SRGAP1: variants seen among roughly 807,000 people sequenced by gnomAD.
SRGAP1 encodes SLIT-ROBO Rho GTPase-activating protein 1.
SRGAP1 carries 43 observed loss-of-function variants against 121.9 expected under a neutral mutation model. The ratio of observed to expected loss-of-function variants is 0.35; its 90% CI spans 0.28 to 0.46. The LOEUF (loss-of-function observed/expected upper bound fraction) is 0.46, where lower values mean the gene tolerates loss of function less well. SRGAP1 is among the 20% of genes least tolerant of loss of function. The pLI is 1.00. For missense variants in SRGAP1, 1,102 were observed against 1,350.9 expected (o/e 0.82, Z 2.89); for synonymous variants, 447 against 485.4 (o/e 0.92, Z 1.04).
chr12:64,125,440 A>C (rs940728144), intron 18 of SRGAP1, among the ~76,000 whole-genome samples: 2 of 152,224 alleles, frequency 1.3e-5, no homozygotes, highest in African/African-American at 4.8e-5. Context: ...CAGAGAGCAC[A>C]TGGGGAAATT....
intron 1 of SRGAP1, among the ~76,000 whole-genome samples, chr12:63,979,472 T>C (rs1424453359): frequency 2.0e-5 from 3 of 152,232 alleles, no homozygotes; most frequent in Non-Finnish European, 4.4e-5. Flanking sequence ...CTTTTCACTT[T>C]CTTGGTGGTT....
chr12:64,123,916 T>C (rs1028803648), intron 18 of SRGAP1, among the ~76,000 whole-genome samples: 6 of 152,162 alleles, frequency 3.9e-5, no homozygotes, highest in African/African-American at 1.4e-4. Context: ...CAAAATATTA[T>C]TCGCCTCAAA....
At chr12:64,071,627 C>T (rs986671212) in intron 8 of SRGAP1, among the ~76,000 whole-genome samples, 1 of 152,154 alleles carries the variant, frequency 6.6e-6, no homozygotes. Flanking sequence ...GTCATTAAAT[C>T]AGAGTCAGGG....
chr12:64,049,442 C>T lies in SRGAP1; in HGVS notation c.801+5867C>T, dbSNP rs199882775. The stretch of plus-strand genomic sequence containing the variant: ...ACACGTCTTTCTTCACATGGCAGCA[C>T]GAAAGAGATGTGCCAAGCAAGGAAA... On this transcript the variant is annotated intron_variant, in intron 6 of 21. Coordinates refer to ENST00000355086, the MANE Select transcript of SRGAP1 (RefSeq NM_020762.4). 3.9e-5 allele frequency among the ~76,000 whole-genome samples: 6 copies of T among 152,226 alleles called. No homozygotes were observed. In the East Asian group the frequency reaches 7.7e-4, roughly 20 times the overall value.
At chr12:64,079,647 C>T (rs1047208853) in intron 9 of SRGAP1, among the ~76,000 whole-genome samples, 1 of 151,924 alleles carries the variant, frequency 6.6e-6, no homozygotes, top group African/African-American at 2.4e-5. Flanking sequence ...GATCATTCTA[C>T]TGCACTCCAG....
chr12:64,127,057 A>T (rs778848949), intron 19 of SRGAP1, among the ~76,000 whole-genome samples: 6 of 152,208 alleles, frequency 3.9e-5, no homozygotes, highest in Non-Finnish European at 8.8e-5. Context: ...GTACAGTAAC[A>T]TGCTGTGCAG....
chr12:64,062,834 G>T lies in SRGAP1; in HGVS notation c.802-83G>T, dbSNP rs549867101. Reference sequence around the variant, plus strand: ...CTTACCCCCATGTTTCCTTCTGAGAGTTTTATAGCTGTAGGTCTCACATTT... The same window carrying T: ...CTTACCCCCATGTTTCCTTCTGAGATTTTTATAGCTGTAGGTCTCACATTT... On this transcript the variant is annotated intron_variant, in intron 6 of 21. Transcript: ENST00000355086. 18 of 1,035,944 alleles carry T rather than the reference G, an allele frequency of 1.7e-5. No individual in the cohort carries two copies. The African/African-American group carries it at 2.1e-4, about 12-fold the overall frequency. 64.2% of individuals were successfully genotyped at this position (1,035,944 alleles called of 1,614,324 possible).
At chr12:63,967,627 T>TG (rs1565974279) in intron 1 of SRGAP1, among the ~76,000 whole-genome samples, 1 of 152,162 alleles carries the variant, frequency 6.6e-6, no homozygotes, top group Admixed American at 6.5e-5. Context: ...GGAATGGGCT[T>TG]GGGGGGATTT....
At chr12:63,989,001 G>A (rs1389349791) in intron 2 of SRGAP1, among the ~76,000 whole-genome samples, 2 of 152,134 alleles carry the variant, frequency 1.3e-5, no homozygotes, top group Non-Finnish European at 1.5e-5. Flanking sequence ...ACTAGAGGCG[G>A]GGTTTCGCCA....
At chr12:63,880,809 A>G (rs1900170239) in intron 1 of SRGAP1, among the ~76,000 whole-genome samples, 2 of 152,152 alleles carry the variant, frequency 1.3e-5, no homozygotes, top group African/African-American at 4.8e-5. Flanking sequence ...AGTAGGAACT[A>G]TTTTATTCTC....
chr12:64,091,980 A>G (rs1319723112), intron 12 of SRGAP1: 1 of 1,420,446 alleles, frequency 7.0e-7, no homozygotes, highest in Non-Finnish European at 9.6e-7. Flanking sequence ...ATCATTTTCA[A>G]GTCGTGCTCA....
chr12:64,126,331 G>T (rs1441771356), intron 19 of SRGAP1, among the ~76,000 whole-genome samples, 174 bp downstream of exon 19: 1 of 152,192 alleles, frequency 6.6e-6, no homozygotes, highest in East Asian at 1.9e-4. Flanking sequence ...AGTAAGTCAG[G>T]GCCCAGGAGG....
chr12:63,913,308 A>G (rs2030608621), intron 1 of SRGAP1, among the ~76,000 whole-genome samples: 1 of 141,246 alleles, frequency 7.1e-6, no homozygotes, highest in African/African-American at 2.6e-5. Flanking sequence ...ATAGGTGCTC[A>G]TAACCATGCC....
At chr12:63,915,727 A>G (rs1411471862) in intron 1 of SRGAP1, among the ~76,000 whole-genome samples, 1 of 152,166 alleles carries the variant, frequency 6.6e-6, no homozygotes, top group Non-Finnish European at 1.5e-5. Context: ...TTCACCTTCA[A>G]TGCCTCCAAC....
intron 1 of SRGAP1, among the ~76,000 whole-genome samples, chr12:63,908,752 A>G (rs957614507): frequency 9.2e-5 from 14 of 152,160 alleles, no homozygotes; most frequent in Admixed American, 8.5e-4. Flanking sequence ...ATAATACTGT[A>G]AATGGGATTG....
intron 4 of SRGAP1, among the ~76,000 whole-genome samples, chr12:64,031,870 T>C (rs2034788826): frequency 6.6e-6 from 1 of 152,170 alleles, no homozygotes; most frequent in Non-Finnish European, 1.5e-5. Context: ...CCTCATGTTG[T>C]CATGTTGTCA....
chr12:63,912,732 C>T (rs753873788), intron 1 of SRGAP1, among the ~76,000 whole-genome samples: 12 of 152,048 alleles, frequency 7.9e-5, no homozygotes, highest in African/African-American at 1.4e-4. Flanking sequence ...GAAATATAAA[C>T]GCTGTTGTTT....
In SRGAP1 at chr12:64,141,121, G is replaced by C. The variant is rs2036951039; in HGVS notation, c.2881-1174G>C. Among the ~76,000 whole-genome samples, 2 of 144,996 alleles carry C rather than the reference G, an allele frequency of 1.4e-5. 1 individual carries two copies. The highest frequency in any genetic ancestry group is 3.0e-5 in the Non-Finnish European group (2 of 67,070). On this transcript the variant is annotated intron_variant, in intron 21 of 21. Transcript: ENST00000355086. ...GGAATATCACACTCTGGGGACTGTT[G>C]TGGGGTGGGTGGAGAGGGGAGGGAT...
intron 3 of SRGAP1, among the ~76,000 whole-genome samples, chr12:64,001,166 C>G (rs2033885035): frequency 6.6e-6 from 1 of 152,074 alleles, no homozygotes; most frequent in Non-Finnish European, 1.5e-5. Context: ...CAGATTAGGT[C>G]TTATATATAA....
Sources: allele counts gnomAD v4.1 joint callset (sites outside exome capture counted in the v4.1 genomes callset), GRCh38; gene constraint gnomAD v4.1.1; transcripts MANE v1.5; gene names NCBI Gene and HGNC (gene_info 2026-07-23, HGNC 2026-07-21).